The following BLTP3B variants were observed in gnomAD, a reference collection of about 807,000 sequenced individuals.
BLTP3B encodes the protein bridge-like lipid transfer protein family member 3B, also known as UHRF1 (ICBP90) binding protein 1-like.
At chr12:100,102,487 G>A in the BLTP3B span, among the ~76,000 whole-genome samples, 3 of 152,070 alleles carry the variant, frequency 2.0e-5, no homozygotes, top group East Asian at 3.9e-4. Flanking sequence ...CTGATCAGAG[G>A]CTATCTGATT....
chr12:100,119,399 A>G, the BLTP3B span, among the ~76,000 whole-genome samples: 1 of 152,192 alleles, frequency 6.6e-6, no homozygotes, highest in East Asian at 1.9e-4. Context: ...GGCAACCCTA[A>G]GCAAAACCCA....
the BLTP3B span, among the ~76,000 whole-genome samples, chr12:100,082,242 C>A: frequency 6.6e-6 from 1 of 152,162 alleles, no homozygotes; most frequent in African/African-American, 2.4e-5. Flanking sequence ...CCTTTGCCCA[C>A]TTTTTAATGG....
the BLTP3B span, among the ~76,000 whole-genome samples, chr12:100,137,057 C>T: frequency 1.3e-5 from 2 of 152,278 alleles, no homozygotes; most frequent in Admixed American, 1.3e-4. Context: ...GTGATCCACC[C>T]GCCTCAGCCT....
the BLTP3B span, among the ~76,000 whole-genome samples, chr12:100,103,267 A>C: frequency 9.0e-3 from 1,367 of 152,252 alleles, 27 homozygotes; most frequent in African/African-American, 0.031. Flanking sequence ...TGAGACACAA[A>C]ACTATGGGAA....
the BLTP3B span, among the ~76,000 whole-genome samples, chr12:100,120,237 C>T: frequency 2.0e-5 from 3 of 151,734 alleles, no homozygotes; most frequent in African/African-American, 4.8e-5. Context: ...ATTAGCTGAG[C>T]GTGAGACAGG....
the BLTP3B span, among the ~76,000 whole-genome samples, chr12:100,063,598 C>T: frequency 5.3e-5 from 8 of 150,936 alleles, no homozygotes; most frequent in Admixed American, 2.0e-4. Flanking sequence ...CCCAACTACT[C>T]GGGAGGCTGA....
the BLTP3B span, among the ~76,000 whole-genome samples, chr12:100,069,197 G>GT: frequency 1.3e-5 from 2 of 152,142 alleles, no homozygotes; most frequent in Non-Finnish European, 2.9e-5. Flanking sequence ...GGGCAACAGA[G>GT]TAAGACTCCA....
the BLTP3B span, among the ~76,000 whole-genome samples, chr12:100,095,431 T>C: frequency 6.6e-6 from 1 of 152,248 alleles, no homozygotes; most frequent in Non-Finnish European, 1.5e-5. Flanking sequence ...AAACATCGAA[T>C]ACTTTTATGT....
chr12:100,132,482 T>C, the BLTP3B span, among the ~76,000 whole-genome samples: 2 of 152,194 alleles, frequency 1.3e-5, no homozygotes, highest in Admixed American at 6.5e-5. Flanking sequence ...TAGGTTGTTA[T>C]AAAGCCAAGA....
chr12:100,077,534 G>A, the BLTP3B span, among the ~76,000 whole-genome samples: 5 of 152,152 alleles, frequency 3.3e-5, no homozygotes, highest in African/African-American at 1.2e-4. Context: ...TTTAACAGGC[G>A]GCATCACTGG....
chr12:100,039,663 G>A, the BLTP3B span: 4 of 1,614,090 alleles, frequency 2.5e-6, no homozygotes, highest in Non-Finnish European at 3.4e-6. Context: ...AGGAACCCCT[G>A]GGCTTGTCTG....
chr12:100,127,064 C>CAA, the BLTP3B span, among the ~76,000 whole-genome samples: 17 of 109,676 alleles, frequency 1.6e-4, no homozygotes, highest in African/African-American at 4.4e-4. Context: ...TAAACCAGGC[C>CAA]AAAAAAAAAA....
the BLTP3B span, among the ~76,000 whole-genome samples, chr12:100,098,996 A>ATTATTG: frequency 5.1e-4 from 77 of 151,082 alleles, no homozygotes; most frequent in African/African-American, 1.8e-3. Flanking sequence ...TCACCATTTT[A>ATTATTG]TTATTTTTTT....
chr12:100,120,914 A>C, the BLTP3B span, among the ~76,000 whole-genome samples: 4 of 152,254 alleles, frequency 2.6e-5, no homozygotes, highest in African/African-American at 9.6e-5. Flanking sequence ...ATCAAAAGGT[A>C]AACGGATAAA....
the BLTP3B span, among the ~76,000 whole-genome samples, chr12:100,113,542 G>A: frequency 0.011 from 1,690 of 152,282 alleles, 24 homozygotes; most frequent in Admixed American, 0.021. Context: ...TTCCTCATCT[G>A]TAACATGGGG....
chr12:100,046,898 A>G, the BLTP3B span, among the ~76,000 whole-genome samples: 5 of 152,202 alleles, frequency 3.3e-5, no homozygotes, highest in South Asian at 2.1e-4. Flanking sequence ...TATAAGGAGT[A>G]TAAGTAGGAA....
chr12:100,069,838 T>C, the BLTP3B span: 2 of 590,420 alleles, frequency 3.4e-6, no homozygotes, highest in Non-Finnish European at 4.3e-6. Flanking sequence ...AACACCACCT[T>C]TTCCCCAATA....
chr12:100,061,309 C>A, the BLTP3B span, among the ~76,000 whole-genome samples: 2 of 152,116 alleles, frequency 1.3e-5, no homozygotes, highest in Non-Finnish European at 2.9e-5. Context: ...ACAGAAAGAA[C>A]CCCGATAGCA....
the BLTP3B span, among the ~76,000 whole-genome samples, chr12:100,049,406 A>G: frequency 1.3e-5 from 2 of 152,148 alleles, no homozygotes; most frequent in Non-Finnish European, 2.9e-5. Context: ...TTTCTTCAGC[A>G]TGGGTGTGAC....
Sources: allele counts gnomAD v4.1 joint callset (sites outside exome capture counted in the v4.1 genomes callset), GRCh38; gene constraint gnomAD v4.1.1; transcripts MANE v1.5; gene names NCBI Gene and HGNC (gene_info 2026-07-23, HGNC 2026-07-21).